The following C4orf50 variants were observed in gnomAD, a reference collection of about 807,000 sequenced individuals.
C4orf50 encodes chromosome 4 open reading frame 50.
C4orf50 carries 80 observed loss-of-function variants against 77.2 expected under a neutral mutation model. The observed-to-expected ratio is 1.04, with a 90% CI of 0.87 to 1.25. The LOEUF (loss-of-function observed/expected upper bound fraction) is 1.25, where lower values mean the gene tolerates loss of function less well. Among genes scored for constraint, C4orf50 ranks in the 50% most tolerant of loss-of-function variants. The probability of loss-of-function intolerance (pLI) is 0.00; values close to 1 mark genes in which losing one functional copy is unlikely to be tolerated. For synonymous variants in C4orf50, 532 were observed against 465.3 expected (o/e 1.14, Z -1.84); for missense variants, 1,257 against 1,152.9 (o/e 1.09, Z -1.31).
rs1350808503 is a variant in C4orf50, at chr4:5,970,900, C to T, written c.4104+2759G>A. 2.0e-5 allele frequency among the ~76,000 whole-genome samples: 3 copies of T among 152,172 alleles called. No homozygotes were observed. Among genetic ancestry groups the T allele is most frequent in the South Asian group, 2.1e-4 (1 of 4,806 alleles). On this transcript the variant is annotated intron_variant, in intron 31 of 33. Coordinates refer to ENST00000531445, the Ensembl canonical transcript of C4orf50. This position sits in a 1 kb window ranked among gnomAD's most constrained non-coding sequence, Gnocchi z 4.3. Reference sequence around the variant, plus strand: ...AGTAAGCAGATCCATGGAGAGCGTGCGAGGGGGAGGGCAGCATGAGTCTTG... The same window carrying T: ...AGTAAGCAGATCCATGGAGAGCGTGTGAGGGGGAGGGCAGCATGAGTCTTG...
At chr4:5,936,824 A>T (rs1718048323) in intron 7 of C4orf50, among the ~76,000 whole-genome samples, 1 of 152,146 alleles carries the variant, frequency 6.6e-6, no homozygotes, top group Admixed American at 6.5e-5. Flanking sequence ...CTTATAGCAG[A>T]ACTCCAGAAT....
chr4:5,980,623 G>A (rs557397361), intron 28 of C4orf50, among the ~76,000 whole-genome samples: 73 of 152,174 alleles, frequency 4.8e-4, no homozygotes, highest in African/African-American at 1.6e-3. Flanking sequence ...CTTGGTTTCC[G>A]GAGGTGGGTG....
chr4:5,985,220 C>T (rs1003054513), intron 28 of C4orf50, among the ~76,000 whole-genome samples: 8 of 152,022 alleles, frequency 5.3e-5, no homozygotes, highest in Admixed American at 4.6e-4. Flanking sequence ...AAAATTATCA[C>T]TACAAAAAAT....
At chr4:5,961,367 T>C (rs1023869036) in intron 33 of C4orf50, among the ~76,000 whole-genome samples, 22 of 152,240 alleles carry the variant, frequency 1.4e-4, no homozygotes, top group Non-Finnish European at 2.8e-4. Flanking sequence ...CATATGAAAT[T>C]ACTGTTTCTG....
intron 7 of C4orf50, among the ~76,000 whole-genome samples, chr4:5,928,611 C>A (rs1717626661): frequency 6.6e-6 from 1 of 152,168 alleles, no homozygotes; most frequent in East Asian, 1.9e-4. Context: ...AAGGCATGAA[C>A]ACCCTGCATG....
At chr4:5,942,401 G>A (rs570663349) in intron 7 of C4orf50, among the ~76,000 whole-genome samples, 4 of 152,292 alleles carry the variant, frequency 2.6e-5, no homozygotes, top group African/African-American at 4.8e-5. Context: ...CCAAGTTTCA[G>A]TTTCAACATC....
In C4orf50 at chr4:5,932,457, A is replaced by G. The variant is rs1717809156; in HGVS notation, c.*2474+24444T>C. ...CATCAGACTGTGGTGGGAACATTAC[A>G]GTGTTTGTTTGTTTTGGAGCCTGGC... is the stretch of plus-strand genomic sequence containing the variant. On this transcript the variant is annotated intron_variant, in intron 7 of 7. Coordinates refer to the C4orf50 transcript ENST00000324058. The surrounding 1 kb of genome is among the most constrained non-coding windows in gnomAD (Gnocchi z 4.2). 6.6e-6 allele frequency among the ~76,000 whole-genome samples: 1 copy of G among 152,086 alleles called. No homozygotes were observed. The highest frequency in any genetic ancestry group is 6.5e-5 in the Admixed American group (1 of 15,274).
rs571000530 is a variant in C4orf50 at position 5,974,229 on chromosome 4, T to C, written c.3922-388A>G. On this transcript the variant is annotated intron_variant, in intron 30 of 33. Coordinates refer to ENST00000531445, the Ensembl canonical transcript of C4orf50. ...AAAGGAGACGGCGCAGGCAGGCACC[T>C]ACCGAGTGTCATGTTTCTATCCTTA... Among the ~76,000 whole-genome samples the C allele has an allele frequency of 1.2e-4, 18 of 152,308 alleles. No homozygotes were observed. The South Asian group carries it at 1.2e-3, about 11-fold the overall frequency.
At chr4:5,899,522 TAG>T (rs1386814327) in intron 7 of C4orf50, 1 of 152,198 alleles carries the variant, frequency 6.6e-6, no homozygotes, top group Non-Finnish European at 1.5e-5. Flanking sequence ...CCTCTGAGGG[TAG>T]AGTTACAAAG....
rs1327868019 is a variant in C4orf50 at position 6,018,166 on chromosome 4, G to A, written c.266C>T (p.Ser89Leu). 2.3e-5 allele frequency: 9 copies of A among 398,762 alleles called. No individual in the cohort carries two copies. Among genetic ancestry groups the A allele is most frequent in the East Asian group, 1.1e-4 (3 of 28,080 alleles). The allele number at this position is 398,762 out of a possible 1,614,324, so 24.7% of individuals were successfully genotyped here. The stretch of plus-strand genomic sequence containing the variant: ...CTACCTGCTTCTCAGCCCGGACTCC[G>A]ATGTCACGTACTTGTCCTCTGCTGC... The change falls in exon 23 of 34, where the codon TCG becomes TTG. Residue 89 changes from serine to leucine, a missense_variant. By Grantham distance (145) the Ser-to-Leu change is moderately radical. Coordinates refer to ENST00000531445, the Ensembl canonical transcript of C4orf50. The surrounding 1 kb of genome is among the most constrained non-coding windows in gnomAD (Gnocchi z 5.1).
intron 31 of C4orf50, among the ~76,000 whole-genome samples, chr4:5,972,388 G>C (rs1176627893): frequency 2.0e-5 from 3 of 152,174 alleles, no homozygotes; most frequent in Admixed American, 6.5e-5. Context: ...ACAAAATTCT[G>C]CTCTCTTTTC....
intron 33 of C4orf50, among the ~76,000 whole-genome samples, chr4:5,964,319 C>A (rs1162419279): frequency 7.2e-6 from 1 of 139,820 alleles, no homozygotes; most frequent in Non-Finnish European, 1.6e-5. Context: ...ATGCAGCAGA[C>A]CTCCTGAGCA....
chr4:6,004,026 T>TG (rs1223180999), intron 25 of C4orf50, among the ~76,000 whole-genome samples: 1 of 13,778 alleles, frequency 7.3e-5, no homozygotes. Context: ...ATGGTGATAA[T>TG]GTGATAGTGA....
At chr4:5,972,923 G>T in intron 31 of C4orf50, among the ~76,000 whole-genome samples, 1 of 152,244 alleles carries the variant, frequency 6.6e-6, no homozygotes, top group East Asian at 1.9e-4. Context: ...TGCACTGCCT[G>T]TGTGACCCGG....
chr4:5,979,052 A>C (rs553541627), intron 29 of C4orf50, among the ~76,000 whole-genome samples: 1 of 152,240 alleles, frequency 6.6e-6, no homozygotes. Flanking sequence ...AGTTGCTAAC[A>C]TTCAGGATAA....
At chr4:5,947,774 G>A (rs965432287) in intron 7 of C4orf50, among the ~76,000 whole-genome samples, 5 of 152,146 alleles carry the variant, frequency 3.3e-5, no homozygotes, top group Non-Finnish European at 7.4e-5. Flanking sequence ...GAAACCCCAG[G>A]ATACCGGCTG....
At chr4:5,944,056 C>T (rs1419776067) in intron 7 of C4orf50, among the ~76,000 whole-genome samples, 3 of 152,196 alleles carry the variant, frequency 2.0e-5, no homozygotes, top group African/African-American at 7.2e-5. Context: ...CCCTGTCTCT[C>T]TTGCCACATG....
At chr4:5,897,673 G>A (rs1037265554) in exon 8 of C4orf50, 3 of 152,122 alleles carry the variant, frequency 2.0e-5, no homozygotes, top group Admixed American at 1.3e-4. Context: ...AACTCACATA[G>A]AAAAATACAT....
chr4:6,004,653 T>C (rs1252699520), intron 25 of C4orf50, among the ~76,000 whole-genome samples: 2 of 142,144 alleles, frequency 1.4e-5, no homozygotes, highest in African/African-American at 2.6e-5. Context: ...ATGGTGATTA[T>C]GGTGATGATG....
Sources: gnomAD v4.1 joint callset for allele counts (sites outside exome capture counted in the v4.1 genomes callset) on GRCh38, gnomAD v4.1.1 for gene constraint, Gnocchi (gnomAD v3.1) non-coding constraint, MANE v1.5 for transcripts, NCBI Gene and HGNC (gene_info 2026-07-23, HGNC 2026-07-21) for gene names.